MEIS2: variants seen among roughly 807,000 people sequenced by gnomAD.
MEIS2 encodes Meis homeobox 2.
In MEIS2, 9 loss-of-function variants were observed where a neutral mutation model predicts 58.6. That is an observed-to-expected ratio of 0.15 (90% confidence interval 0.09 to 0.27). MEIS2 has a LOEUF of 0.27. Among genes scored for constraint, MEIS2 ranks in the 10% least tolerant of loss-of-function variants. The pLI, the probability that MEIS2 is intolerant of heterozygous loss-of-function variation, is 1.00. For synonymous variants in MEIS2, 221 were observed against 228.4 expected, an observed-to-expected ratio of 0.97 and a Z score of 0.29; for missense variants, 427 against 635.0, an observed-to-expected ratio of 0.67 and a Z score of 3.52.
intron 8 of MEIS2, among the ~76,000 whole-genome samples, chr15:37,031,815 T>TGTGTG (rs2061937382): frequency 4.1e-4 from 55 of 134,208 alleles, no homozygotes; most frequent in East Asian, 2.1e-3. Context: ...TTACATCACT[T>TGTGTG]TGTGTGTGTG....
chr15:37,066,389 C>A (rs962119758), intron 7 of MEIS2: 4 of 152,114 alleles, frequency 2.6e-5, no homozygotes, highest in African/African-American at 9.7e-5. Flanking sequence ...GAACTGAATA[C>A]CTTTTATGCA....
At chr15:37,019,519 G>A (rs1016911941) in intron 8 of MEIS2, among the ~76,000 whole-genome samples, 2 of 152,252 alleles carry the variant, frequency 1.3e-5, no homozygotes, top group Non-Finnish European at 1.5e-5. Flanking sequence ...GAATCATGAC[G>A]ACACCACTTC....
intron 8 of MEIS2, among the ~76,000 whole-genome samples, chr15:36,991,783 C>CTTTTT (rs11285545): frequency 4.8e-3 from 244 of 50,952 alleles, no homozygotes; most frequent in African/African-American, 0.017. Flanking sequence ...TTTTTTTTTT[C>CTTTTT]TTTTTTTTTT....
At chr15:36,959,418 A>C (rs2059103875) in intron 8 of MEIS2, among the ~76,000 whole-genome samples, 1 of 152,174 alleles carries the variant, frequency 6.6e-6, no homozygotes, top group African/African-American at 2.4e-5. Flanking sequence ...GAGACTGGCT[A>C]TCCGTACTTT....
chr15:36,976,354 G>A (rs1467129504), intron 8 of MEIS2, among the ~76,000 whole-genome samples: 1 of 152,024 alleles, frequency 6.6e-6, no homozygotes, highest in Non-Finnish European at 1.5e-5. Flanking sequence ...AAAGTGCTGG[G>A]ATTACAGGCG....
At chr15:36,958,372 C>T (rs1668038) in intron 8 of MEIS2, among the ~76,000 whole-genome samples, 80,851 of 151,862 alleles carry the variant, frequency 0.53, 21,759 homozygotes, top group African/African-American at 0.58. Flanking sequence ...GAAGGAATGT[C>T]TTAAGACACC....
At chr15:37,039,595 G>A (rs1293777457) in intron 7 of MEIS2, among the ~76,000 whole-genome samples, 1 of 152,150 alleles carries the variant, frequency 6.6e-6, no homozygotes, top group East Asian at 1.9e-4. Context: ...TAACACCTTC[G>A]AACTTTATGA....
chr15:37,025,363 G>T (rs1451973914), intron 8 of MEIS2, among the ~76,000 whole-genome samples: 1 of 152,150 alleles, frequency 6.6e-6, no homozygotes, highest in Non-Finnish European at 1.5e-5. Flanking sequence ...AAAAGGCTGT[G>T]CTAAGACTAG....
At chr15:37,089,142 A>G (rs1004659309) in intron 6 of MEIS2, among the ~76,000 whole-genome samples, 70 of 152,296 alleles carry the variant, frequency 4.6e-4, no homozygotes, top group African/African-American at 1.6e-3. Context: ...GAGTTGGTGG[A>G]CAGAGCTCAG....
At chr15:37,078,234 G>C (rs1480515822) in intron 7 of MEIS2, among the ~76,000 whole-genome samples, 2 of 151,996 alleles carry the variant, frequency 1.3e-5, no homozygotes, top group African/African-American at 4.8e-5. Context: ...AGAAACCCTT[G>C]TAGCCCAAGG....
chr15:37,059,795 G>A (rs1014718860), intron 7 of MEIS2, among the ~76,000 whole-genome samples: 1 of 152,044 alleles, frequency 6.6e-6, no homozygotes, highest in Non-Finnish European at 1.5e-5. Flanking sequence ...ACATAAATTA[G>A]CTGGGTGTGG....
intron 6 of MEIS2, among the ~76,000 whole-genome samples, chr15:37,087,132 G>A (rs1002194958): frequency 6.6e-6 from 1 of 152,086 alleles, no homozygotes; most frequent in African/African-American, 2.4e-5. Context: ...CTCGCCGGGT[G>A]CCCGTGTATG....
rs2055787586 is a variant in MEIS2 at position 36,889,735 on chromosome 15, G to A, written c.*2438C>T. The A allele has an allele frequency of 6.6e-6, 1 of 152,174 alleles. No homozygotes were observed. Among genetic ancestry groups the A allele is most frequent in the Non-Finnish European group, 1.5e-5 (1 of 68,020 alleles). 9.4% of individuals were successfully genotyped at this position (152,174 alleles called of 1,614,324 possible). ...AAAGGTTCTTTTTCCCACCTGATGT[G>A]AGAGTTGATTTATAATGGGGAATTT... On this transcript the variant is annotated 3_prime_UTR_variant, in exon 12 of 12. Transcript: ENST00000561208.
chr15:36,933,037 C>T (rs931152819), intron 9 of MEIS2, among the ~76,000 whole-genome samples: 1 of 152,034 alleles, frequency 6.6e-6, no homozygotes, highest in African/African-American at 2.4e-5. Flanking sequence ...ATGTTTGGGC[C>T]CCCTTCTCTC....
chr15:36,963,541 A>T (rs2059260103), intron 8 of MEIS2, among the ~76,000 whole-genome samples: 1 of 152,216 alleles, frequency 6.6e-6, no homozygotes, highest in Non-Finnish European at 1.5e-5. Context: ...CATACAGTGT[A>T]GAGCACAAAC....
At chr15:36,962,601 T>C (rs1007464648) in intron 8 of MEIS2, among the ~76,000 whole-genome samples, 1 of 152,178 alleles carries the variant, frequency 6.6e-6, no homozygotes, top group Non-Finnish European at 1.5e-5. Context: ...CAATATGCAA[T>C]TGGTTGAGTC....
chr15:37,071,143 A>C (rs1890650320), intron 7 of MEIS2, among the ~76,000 whole-genome samples: 1 of 150,872 alleles, frequency 6.6e-6, no homozygotes, highest in South Asian at 2.1e-4. Flanking sequence ...TCTTCCTTTC[A>C]AAAAAAAATA....
intron 7 of MEIS2, among the ~76,000 whole-genome samples, chr15:37,055,674 T>A (rs562277277): frequency 6.6e-6 from 1 of 152,302 alleles, no homozygotes; most frequent in East Asian, 1.9e-4. Flanking sequence ...ATGCCCCTGA[T>A]TGCTTTTCTT....
At chr15:36,924,795 A>G (rs2057676037) in intron 9 of MEIS2, among the ~76,000 whole-genome samples, 1 of 152,190 alleles carries the variant, frequency 6.6e-6, no homozygotes, top group African/African-American at 2.4e-5. Flanking sequence ...TCCCTGACAA[A>G]GAAGTGGGGT....
Sources: gnomAD v4.1 joint callset for allele counts (sites outside exome capture counted in the v4.1 genomes callset) on GRCh38, gnomAD v4.1.1 for gene constraint, MANE v1.5 for transcripts, NCBI Gene and HGNC (gene_info 2026-07-23, HGNC 2026-07-21) for gene names.